ZNF174: variants seen among roughly 807,000 people sequenced by gnomAD.
ZNF174 encodes the protein zinc finger protein 174.
ZNF174 carries 30 observed loss-of-function variants against 38.7 expected under a neutral mutation model. That is an observed-to-expected ratio of 0.78 (90% confidence interval 0.58 to 1.05). ZNF174 has a LOEUF of 1.05. Among genes scored for constraint, ZNF174 ranks in the 50% least tolerant of loss-of-function variants. ZNF174 has a pLI of 0.00. For missense variants in ZNF174, 499 were observed against 495.6 expected (o/e 1.01, Z -0.06); for synonymous variants, 201 against 181.7 (o/e 1.11, Z -0.86).
At chr16:3,404,317 T>G in intron 1 of ZNF174, 109 bp from the exon 2 acceptor site, 1 of 1,133,380 alleles carries the variant, frequency 8.8e-7, no homozygotes, top group Non-Finnish European at 1.3e-6. Context: ...AGTTGACCTC[T>G]AGATGGTTAT....
Position 3,402,153 on chromosome 16 carries a change from G to GATA in ZNF174, c.150_151insTAA (p.Arg50_Arg51insTer). ...CCTGAGCTCTGCCGCCAGAGCTTCA[G>GATA]ACGCTTTTGTTATCAAGAGGTGTCT... On this transcript the variant is annotated stop_gained and inframe_insertion, in exon 1 of 3. Coordinates refer to ENST00000268655, the MANE Select transcript of ZNF174 (RefSeq NM_003450.3). LOFTEE classifies it high-confidence loss of function. 1 of 1,614,152 alleles carries GATA rather than the reference G, an allele frequency of 6.2e-7. No homozygotes were observed. The highest frequency in any genetic ancestry group is 8.5e-7 in the Non-Finnish European group (1 of 1,180,024).
chr16:3,402,040 C>T lies in ZNF174; in HGVS notation c.36C>T (p.Asn12=), dbSNP rs1458609387. 2.5e-6 allele frequency: 4 copies of T among 1,613,688 alleles called. No individual in the cohort carries two copies. The highest frequency in any genetic ancestry group is 2.2e-5 in the South Asian group (2 of 91,038). The change falls in exon 1 of 3, where the codon AAC becomes AAT. Residue 12 remains asparagine, a synonymous_variant. Coordinates refer to ENST00000268655, the MANE Select transcript of ZNF174 (RefSeq NM_003450.3). ...AAKMEITLSS[N]TEASSKQERH... ...AAATGGAGATAACTTTAAGCTCCAA[C>T]ACTGAAGCTTCCTCCAAGCAAGAGA... is the stretch of plus-strand genomic sequence containing the variant.
intron 2 of ZNF174, 72 bp from the exon 3 acceptor site, chr16:3,408,249 A>G: frequency 7.0e-7 from 1 of 1,438,262 alleles, no homozygotes; most frequent in Non-Finnish European, 9.4e-7. Flanking sequence ...AACCTCTCAG[A>G]GTATTTCATA....
In ZNF174 at chr16:3,402,174, T is replaced by C; in HGVS notation, c.170T>C (p.Val57Ala). ...TTCAGACGCTTTTGTTATCAAGAGG[T>C]GTCTGGACCCCAAGAGGCTCTCTCC... is the stretch of plus-strand genomic sequence containing the variant. ...QSFRRFCYQEVSGPQEALSQL... is the reference protein window; with the variant it reads ...QSFRRFCYQEASGPQEALSQL... Residue 57 changes from valine to alanine, a missense_variant, in exon 1 of 3, where the codon GTG becomes GCG. Transcript: ENST00000268655. 1.2e-6 allele frequency: 2 copies of C among 1,612,864 alleles called. No individual in the cohort carries two copies. Among genetic ancestry groups the C allele is most frequent in the Non-Finnish European group, 1.7e-6 (2 of 1,179,026 alleles).
At chr16:3,405,769 G>A (rs1230094198) in intron 2 of ZNF174, among the ~76,000 whole-genome samples, 1 of 152,198 alleles carries the variant, frequency 6.6e-6, no homozygotes, top group African/African-American at 2.4e-5. Context: ...CACTTTGGGA[G>A]GCCAAGGCAG....
In ZNF174 at chr16:3,402,318, G is replaced by A. The variant is rs372250024; in HGVS notation, c.314G>A (p.Arg105Gln). ...LTILPPEIQA[R>Q]VRHRCPMSSK... ...ATCCTGCCCCCGGAGATCCAGGCTC[G>A]GGTCAGGCATCGATGTCCAATGAGC... The change falls in exon 1 of 3, where the codon CGG becomes CAG. Residue 105 changes from arginine to glutamine, a missense_variant. Arg to Gln is a conservative substitution (Grantham distance 43). Transcript: ENST00000268655. 120 of 1,613,958 alleles carry A rather than the reference G, an allele frequency of 7.4e-5. No homozygotes were observed. Among genetic ancestry groups the A allele is most frequent in the Non-Finnish European group, 9.7e-5 (115 of 1,180,028 alleles).
chr16:3,408,336 G>C lies in ZNF174; in HGVS notation c.641G>C (p.Arg214Thr), dbSNP rs778031501. 9.5e-6 allele frequency: 15 copies of C among 1,586,712 alleles called. No individual in the cohort carries two copies. Among genetic ancestry groups the C allele is most frequent in the Non-Finnish European group, 1.1e-5 (13 of 1,167,850 alleles). The change falls in exon 3 of 3, where the codon AGA (arginine) becomes ACA (threonine). Residue 214 changes from arginine (R) to threonine (T), a missense_variant. Coordinates refer to ENST00000268655, the MANE Select transcript of ZNF174 (RefSeq NM_003450.3). ...CTAATTATAGAGGCCCCCAGAATGAGAAGTGACAACAAGGAAAATCCACAA... is the reference window on the plus strand; with the variant it reads ...CTAATTATAGAGGCCCCCAGAATGACAAGTGACAACAAGGAAAATCCACAA... The part of the protein sequence containing the change: ...KLAGTEAPRM[R>T]SDNKENPQQE...
Position 3,402,148 on chromosome 16 carries a change from C to T in ZNF174, c.144C>T (p.Ser48=), listed in dbSNP as rs1228666702. Residue 48 remains serine (S), a synonymous_variant, in exon 1 of 3, where the codon AGC becomes AGT. Transcript: ENST00000268655. ...CAGATCCTGAGCTCTGCCGCCAGAG[C>T]TTCAGACGCTTTTGTTATCAAGAGG... is the stretch of plus-strand genomic sequence containing the variant. ...NCPDPELCRQ[S]FRRFCYQEVS... 3 of 1,614,076 alleles carry T rather than the reference C, an allele frequency of 1.9e-6. No individual in the cohort carries two copies. In the Admixed American group the frequency reaches 5.0e-5, roughly 27 times the overall value.
intron 1 of ZNF174, among the ~76,000 whole-genome samples, chr16:3,403,779 A>G (rs1343103352): frequency 2.6e-5 from 4 of 152,150 alleles, no homozygotes; most frequent in South Asian, 2.1e-4. Flanking sequence ...GAGCCACACA[A>G]TGCCTGACTA....
Position 3,408,261 on chromosome 16 carries a change from C to T in ZNF174, c.626-60C>T, listed in dbSNP as rs542572232. ...AGAAACCTCTCAGAGTATTTCATAA[C>T]TCTTGCTGAAGTTATTTCTTCCAAG... On this transcript the variant is annotated intron_variant, in intron 2 of 2. Coordinates refer to ENST00000268655, the MANE Select transcript of ZNF174 (RefSeq NM_003450.3). 19 of 1,486,364 alleles carry T rather than the reference C, an allele frequency of 1.3e-5. No homozygotes were observed. In the African/African-American group the frequency reaches 2.4e-4, roughly 19 times the overall value. 92.1% of individuals were successfully genotyped at this position (1,486,364 alleles called of 1,614,324 possible). A position where few individuals can be genotyped will look rare whatever the true frequency, so the allele number is the denominator to read the frequency against.
rs139407497 is a variant in ZNF174, at chr16:3,408,567, G to T, written c.872G>T (p.Ser291Ile). 1.3e-4 allele frequency: 215 copies of T among 1,614,114 alleles called. 1 individual carries two copies. In the African/African-American group the frequency reaches 2.5e-3, roughly 18 times the overall value. ...GAATACATCAGCAGCCCCCTAAAAA[G>T]CCACCCACTGAGAGAGCTAAAGAAA... ...RVEYISSPLKSHPLRELKKSK... is the reference protein window; with the variant it reads ...RVEYISSPLKIHPLRELKKSK... Residue 291 changes from serine (S) to isoleucine (I), a missense_variant, in exon 3 of 3, where the codon AGC becomes ATC. Physicochemically the swap from Ser to Ile is moderately radical, Grantham distance 142. Coordinates refer to ENST00000268655, the MANE Select transcript of ZNF174 (RefSeq NM_003450.3).
At chr16:3,407,347 T>C (rs1567342517) in intron 2 of ZNF174, among the ~76,000 whole-genome samples, 2 of 152,166 alleles carry the variant, frequency 1.3e-5, no homozygotes, top group Non-Finnish European at 2.9e-5. Flanking sequence ...ATTCAGACCA[T>C]AGCAGGGTCC....
Position 3,408,931 on chromosome 16 carries a change from C to T in ZNF174, c.*12C>T. ...ACCATGGGGACTAAAAGGAGCACTC[C>T]ATGCTTTAGATTCACACGGAAGGTG... is the stretch of plus-strand genomic sequence containing the variant. On this transcript the variant is annotated 3_prime_UTR_variant, in exon 3 of 3. Transcript: ENST00000268655. 1 of 1,586,792 alleles carries T rather than the reference C, an allele frequency of 6.3e-7. No homozygotes were observed. The highest frequency in any genetic ancestry group is 1.8e-5 in the Admixed American group (1 of 56,156).
rs754140224 is a variant in ZNF174 at position 3,408,913 on chromosome 16, G to A, written c.1218G>A (p.Gly406=). The A allele has an allele frequency of 6.9e-6, 11 of 1,604,084 alleles. No individual in the cohort carries two copies. In the Admixed American group the frequency reaches 1.2e-4, roughly 17 times the overall value. Residue 406 remains glycine, a synonymous_variant, in exon 3 of 3, where the codon GGG becomes GGA. Transcript: ENST00000268655. Reference sequence around the variant, plus strand: ...ACCAGCATCACCGACTTCACCATGGGGACTAAAAGGAGCACTCCATGCTTT... The same window carrying A: ...ACCAGCATCACCGACTTCACCATGGAGACTAAAAGGAGCACTCCATGCTTT... ...NLHQHHRLHH[G]D
chr16:3,406,738 C>G (rs1363348164), intron 2 of ZNF174, among the ~76,000 whole-genome samples: 6 of 152,204 alleles, frequency 3.9e-5, no homozygotes, highest in Non-Finnish European at 1.5e-5. Flanking sequence ...ACTTTCTTGA[C>G]AGTGTCCTTT....
intron 2 of ZNF174, among the ~76,000 whole-genome samples, chr16:3,405,336 G>T (rs2034040313): frequency 6.6e-6 from 1 of 152,214 alleles, no homozygotes; most frequent in Non-Finnish European, 1.5e-5. Context: ...TAAAATGCTA[G>T]AGACTAGGTA....
At chr16:3,404,148 T>C (rs904514195) in intron 1 of ZNF174, among the ~76,000 whole-genome samples, 1 of 152,152 alleles carries the variant, frequency 6.6e-6, no homozygotes, top group Non-Finnish European at 1.5e-5. Context: ...CTGACCCTGA[T>C]ATTTGTGCCA....
At chr16:3,404,913 T>C (rs1043164723) in intron 2 of ZNF174, 1 of 1,613,792 alleles carries the variant, frequency 6.2e-7, no homozygotes, top group African/African-American at 1.3e-5. Flanking sequence ...TTTCAGAACT[T>C]CTTATAGAAA....
intron 2 of ZNF174, chr16:3,404,945 C>A: frequency 2.5e-6 from 4 of 1,614,190 alleles, no homozygotes; most frequent in Non-Finnish European, 3.4e-6. Flanking sequence ...AATATGGCCA[C>A]AGATGAACTT....
Sources: gnomAD v4.1 joint callset for allele counts (sites outside exome capture counted in the v4.1 genomes callset) on GRCh38, gnomAD v4.1.1 for gene constraint, MANE v1.5 for transcripts, NCBI Gene and HGNC (gene_info 2026-07-23, HGNC 2026-07-21) for gene names.